ADAMTSL1: variants seen among roughly 807,000 people sequenced by gnomAD.
ADAMTSL1 encodes ADAMTS like 1.
ADAMTSL1 carries 126 observed loss-of-function variants against 201.8 expected under a neutral mutation model. The ratio of observed to expected loss-of-function variants is 0.62; its 90% CI spans 0.54 to 0.72. The LOEUF (loss-of-function observed/expected upper bound fraction) is 0.72. ADAMTSL1 is among the 30% of genes least tolerant of loss of function. ADAMTSL1 has a pLI of 0.00. For missense variants in ADAMTSL1, 2,679 were observed against 2,277.8 expected (o/e 1.18, Z -3.59); for synonymous variants, 1,121 against 903.4 (o/e 1.24, Z -4.32).
At chr9:18,475,566 G>A (rs906186624) in intron 1 of ADAMTSL1, among the ~76,000 whole-genome samples, 1 of 152,098 alleles carries the variant, frequency 6.6e-6, no homozygotes, top group South Asian at 2.1e-4. Context: ...AAATTTAAAG[G>A]TAAACTACAT....
intron 3 of ADAMTSL1, among the ~76,000 whole-genome samples, chr9:18,562,485 A>G (rs1379075468): frequency 6.6e-6 from 1 of 152,068 alleles, no homozygotes; most frequent in Non-Finnish European, 1.5e-5. Context: ...GAATATGACA[A>G]TTATGTGTCT....
At chr9:18,199,653 C>G (rs1482179705) in intron 2 of ADAMTSL1, among the ~76,000 whole-genome samples, 3 of 152,138 alleles carry the variant, frequency 2.0e-5, no homozygotes, top group East Asian at 3.9e-4. Context: ...TGTCTTTTTT[C>G]TGGAGAAAAT....
At chr9:18,170,785 A>G (rs1218783359) in intron 2 of ADAMTSL1, among the ~76,000 whole-genome samples, 1 of 152,066 alleles carries the variant, frequency 6.6e-6, no homozygotes, top group African/African-American at 2.4e-5. Flanking sequence ...GAGAGAATGG[A>G]TGTGTCACAT....
At chr9:17,936,797 C>T (rs1178129006) in intron 1 of ADAMTSL1, among the ~76,000 whole-genome samples, 1 of 152,172 alleles carries the variant, frequency 6.6e-6, no homozygotes, top group Admixed American at 6.5e-5. Context: ...CTGCTTTACT[C>T]CCCTTCCACA....
chr9:18,700,413 AAAG>A (rs1831853491), intron 13 of ADAMTSL1, among the ~76,000 whole-genome samples: 1 of 152,182 alleles, frequency 6.6e-6, no homozygotes, highest in African/African-American at 2.4e-5. Context: ...GTAGAAATAC[AAAG>A]AAGGTGTTTC....
intron 2 of ADAMTSL1, among the ~76,000 whole-genome samples, chr9:18,517,254 C>T (rs1021234187): frequency 6.6e-6 from 1 of 152,102 alleles, no homozygotes; most frequent in African/African-American, 2.4e-5. Context: ...CCCCGGCCCC[C>T]ACCCCTAGCC....
rs144516716 is a variant in ADAMTSL1, at chr9:18,512,243, T to A, written c.191+7287T>A. On this transcript the variant is annotated intron_variant, in intron 2 of 28. Transcript: ENST00000380548. The stretch of plus-strand genomic sequence containing the variant: ...GGTCATATATCTTAGGGGGGTGTAT[T>A]GTTCCAAGATCTGATCTCCTTTCCG... Among the ~76,000 whole-genome samples the A allele has an allele frequency of 1.8e-3, 279 of 152,300 alleles. 2 individuals are homozygous for A. Among genetic ancestry groups the A allele is most frequent in the African/African-American group, 6.3e-3 (260 of 41,570 alleles).
chr9:18,474,279 T>C lies in ADAMTSL1; in HGVS notation c.47T>C (p.Leu16Pro), dbSNP rs373998511. 24 of 1,614,056 alleles carry C rather than the reference T, an allele frequency of 1.5e-5. No homozygotes were observed. The Admixed American group carries it at 2.2e-4, about 15-fold the overall frequency. Residue 16 changes from leucine (L) to proline (P), a missense_variant, in exon 1 of 29, where the codon CTG (leucine) becomes CCG (proline). Coordinates refer to ENST00000380548, the MANE Select transcript of ADAMTSL1 (RefSeq NM_001040272.6). ...ACTCCTGGCACACTGCTCCTCTTTC[T>C]GGCTTTCCTGCTCCTGGTAAATGCC... is the stretch of plus-strand genomic sequence containing the variant. ...RATPGTLLLF[L>P]AFLLLSSRTA...
chr9:18,810,315 G>A (rs1823422319), intron 20 of ADAMTSL1, among the ~76,000 whole-genome samples: 1 of 152,140 alleles, frequency 6.6e-6, no homozygotes, highest in African/African-American at 2.4e-5. Flanking sequence ...TCAAGTTTCT[G>A]CCCTTGAACA....
At chr9:18,844,666 C>A (rs1825970708) in intron 23 of ADAMTSL1, among the ~76,000 whole-genome samples, 2 of 152,222 alleles carry the variant, frequency 1.3e-5, no homozygotes. Flanking sequence ...GCAGGCAGGC[C>A]TCCTTGAGCT....
intron 15 of ADAMTSL1, among the ~76,000 whole-genome samples, chr9:18,746,636 G>A (rs1230945157): frequency 2.0e-5 from 3 of 152,088 alleles, no homozygotes; most frequent in Admixed American, 6.5e-5. Context: ...GGTGGGAAGG[G>A]TCTGCCATTA....
chr9:18,661,863 G>A (rs1051434307), intron 8 of ADAMTSL1, 72 bp from the exon 9 acceptor site: 1 of 1,486,638 alleles, frequency 6.7e-7, no homozygotes, highest in East Asian at 2.4e-5. Context: ...ATGTGAGCTG[G>A]CCAAAATGCA....
intron 15 of ADAMTSL1, among the ~76,000 whole-genome samples, chr9:18,740,832 G>A (rs1028969509): frequency 2.0e-5 from 3 of 152,026 alleles, no homozygotes; most frequent in Non-Finnish European, 2.9e-5. Flanking sequence ...TTCCCTGAAG[G>A]CTTCATGGAA....
At chr9:18,753,635 T>C in intron 16 of ADAMTSL1, 127 bp downstream of exon 16, 1 of 1,025,478 alleles carries the variant, frequency 9.8e-7, no homozygotes, top group Non-Finnish European at 1.5e-6. Context: ...CATTTCTCCC[T>C]TCTTAGTACT....
At chr9:18,144,378 G>A (rs1043037189) in intron 1 of ADAMTSL1, among the ~76,000 whole-genome samples, 1 of 151,852 alleles carries the variant, frequency 6.6e-6, no homozygotes, top group African/African-American at 2.4e-5. Flanking sequence ...GCTAATTTTT[G>A]TATTTTTAGT....
At chr9:18,856,837 T>C (rs1826883998) in intron 23 of ADAMTSL1, among the ~76,000 whole-genome samples, 1 of 152,112 alleles carries the variant, frequency 6.6e-6, no homozygotes, top group African/African-American at 2.4e-5. Flanking sequence ...CTTTGAGTTG[T>C]CTGTGGTATT....
At chr9:18,526,726 G>T (rs1311322134) in intron 2 of ADAMTSL1, among the ~76,000 whole-genome samples, 1 of 152,030 alleles carries the variant, frequency 6.6e-6, no homozygotes, top group Non-Finnish European at 1.5e-5. Context: ...TTTTTAACTG[G>T]CTCATTGGGG....
At chr9:18,698,313 C>T (rs529124791) in intron 13 of ADAMTSL1, among the ~76,000 whole-genome samples, 7 of 152,110 alleles carry the variant, frequency 4.6e-5, no homozygotes, top group African/African-American at 1.7e-4. Flanking sequence ...CAGAGTCTTG[C>T]TCTGTCACCT....
At chr9:18,283,559 T>C (rs1483868987) in intron 2 of ADAMTSL1, among the ~76,000 whole-genome samples, 1 of 142,588 alleles carries the variant, frequency 7.0e-6, no homozygotes, top group Non-Finnish European at 1.5e-5. Flanking sequence ...TGAGCCATGA[T>C]TGCACCACTG....
Sources: gnomAD v4.1 joint callset for allele counts (sites outside exome capture counted in the v4.1 genomes callset) on GRCh38, gnomAD v4.1.1 for gene constraint, MANE v1.5 for transcripts, NCBI Gene and HGNC (gene_info 2026-07-23, HGNC 2026-07-21) for gene names.